Variants in ST3GAL3 observed in about 807,000 individuals in gnomAD.
ST3GAL3 encodes the protein ST3 beta-galactoside alpha-2,3-sialyltransferase 3.
In ST3GAL3, 21 loss-of-function variants were observed where a neutral mutation model predicts 50.1. The observed-to-expected ratio is 0.42, with a 90% CI of 0.30 to 0.60. The LOEUF (loss-of-function observed/expected upper bound fraction) is 0.60, where lower values mean the gene tolerates loss of function less well. Among genes scored for constraint, ST3GAL3 ranks in the 20% least tolerant of loss-of-function variants. The probability of loss-of-function intolerance (pLI) is 0.19; values close to 1 mark genes in which losing one functional copy is unlikely to be tolerated. For missense variants in ST3GAL3, 353 were observed against 489.4 expected (o/e 0.72, Z 2.63); for synonymous variants, 183 against 190.0 (o/e 0.96, Z 0.30).
rs746574834 is a variant in ST3GAL3 at position 43,792,159 on chromosome 1, C to T, written c.166+10C>T. On this transcript the variant is annotated intron_variant, in intron 3 of 11. Transcript: ENST00000347631. Reference sequence around the variant, plus strand: ...CAAACACTAGGCTCAGGTACCAACTCTTCCCCCTCTATCATCTTTTTGGCC... The same window carrying T: ...CAAACACTAGGCTCAGGTACCAACTTTTCCCCCTCTATCATCTTTTTGGCC... The T allele has an allele frequency of 1.9e-6, 3 of 1,614,108 alleles. No homozygotes were observed. Among genetic ancestry groups the T allele is most frequent in the Admixed American group, 3.3e-5 (2 of 60,006 alleles).
intron 1 of ST3GAL3, among the ~76,000 whole-genome samples, chr1:43,715,500 T>A (rs1171799081): frequency 6.6e-6 from 1 of 150,918 alleles, no homozygotes; most frequent in Admixed American, 6.6e-5. Flanking sequence ...TGCCTGAGCC[T>A]GGGAGGCAGA....
intron 9 of ST3GAL3, among the ~76,000 whole-genome samples, chr1:43,901,866 C>T (rs917134037): frequency 6.6e-6 from 1 of 152,214 alleles, no homozygotes; most frequent in Admixed American, 6.5e-5. Context: ...TGTGGGCCTT[C>T]CTTGGCTCCA....
At chr1:43,761,950 C>CAAAA (rs67747915) in intron 2 of ST3GAL3, among the ~76,000 whole-genome samples, 4 of 68,852 alleles carry the variant, frequency 5.8e-5, no homozygotes, top group African/African-American at 1.9e-4. Flanking sequence ...CACTCTGTCT[C>CAAAA]AAAAAAAAAA....
Position 43,789,100 on chromosome 1 carries a change from A to G in ST3GAL3, c.119-3002A>G, listed in dbSNP as rs532396304. Among the ~76,000 whole-genome samples, 3 of 152,330 alleles carry G rather than the reference A, an allele frequency of 2.0e-5. No individual in the cohort carries two copies. In the South Asian group the frequency reaches 6.2e-4, roughly 32 times the overall value. On this transcript the variant is annotated intron_variant, in intron 2 of 11. Transcript: ENST00000347631. ...TAAAGACATTGAATGTCAGAGCTTG[A>G]ACTTTATCTTACAGGCCACAGGAAG...
At chr1:43,727,094 T>G (rs769732307) in intron 1 of ST3GAL3, 2 of 152,220 alleles carry the variant, frequency 1.3e-5, no homozygotes, top group Non-Finnish European at 2.9e-5. Context: ...AATCTGTTAT[T>G]ATCAGTCTTT....
At chr1:43,874,156 T>C (rs1320349793) in intron 5 of ST3GAL3, among the ~76,000 whole-genome samples, 1 of 152,208 alleles carries the variant, frequency 6.6e-6, no homozygotes, top group African/African-American at 2.4e-5. Context: ...AGGGCACTTT[T>C]GAGAGTGAAA....
At chr1:43,813,903 GCACACACACACACA>G (rs57672840) in intron 3 of ST3GAL3, among the ~76,000 whole-genome samples, 4 of 125,884 alleles carry the variant, frequency 3.2e-5, no homozygotes, top group East Asian at 3.0e-4. Flanking sequence ...ACGCACACAC[GCACACACACACACA>G]CACACACACA....
chr1:43,872,821 A>T (rs947831465), intron 5 of ST3GAL3, among the ~76,000 whole-genome samples: 1 of 152,112 alleles, frequency 6.6e-6, no homozygotes, highest in African/African-American at 2.4e-5. Flanking sequence ...GAAGTTAGAG[A>T]GGGGCTGCCA....
intron 5 of ST3GAL3, among the ~76,000 whole-genome samples, chr1:43,890,251 T>A (rs1196772314): frequency 6.6e-6 from 1 of 152,238 alleles, no homozygotes; most frequent in Non-Finnish European, 1.5e-5. Context: ...TGGCATAATT[T>A]CCGGGAATTT....
chr1:43,728,841 A>T (rs11210908), intron 1 of ST3GAL3, among the ~76,000 whole-genome samples: 47,670 of 152,094 alleles, frequency 0.31, 9,115 homozygotes, highest in East Asian at 0.49. Context: ...ATATATACAC[A>T]TATGTATACA....
At chr1:43,925,781 G>GA (rs2083814598) in intron 11 of ST3GAL3, among the ~76,000 whole-genome samples, 1 of 152,214 alleles carries the variant, frequency 6.6e-6, no homozygotes, top group Non-Finnish European at 1.5e-5. Context: ...GGAGACAGAG[G>GA]AATCAGGAAG....
At chr1:43,829,174 AT>A (rs1159257069) in intron 4 of ST3GAL3, among the ~76,000 whole-genome samples, 1 of 151,726 alleles carries the variant, frequency 6.6e-6, no homozygotes, top group African/African-American at 2.4e-5. Context: ...CACAACCAAT[AT>A]CCAAGGGCTT....
intron 3 of ST3GAL3, among the ~76,000 whole-genome samples, chr1:43,812,681 T>C (rs1360231700): frequency 6.6e-6 from 1 of 152,200 alleles, no homozygotes; most frequent in Admixed American, 6.5e-5. Flanking sequence ...CCGAGGCTTA[T>C]CTCAAACTCC....
chr1:43,802,187 C>T (rs777828988), intron 3 of ST3GAL3, among the ~76,000 whole-genome samples: 3 of 152,176 alleles, frequency 2.0e-5, no homozygotes, highest in Admixed American at 2.0e-4. Context: ...GAAGGCTTCA[C>T]ATAACTCCTG....
At chr1:43,907,511 G>C (rs2080007541) in intron 9 of ST3GAL3, among the ~76,000 whole-genome samples, 1 of 152,084 alleles carries the variant, frequency 6.6e-6, no homozygotes, top group Non-Finnish European at 1.5e-5. Context: ...CAATTCCACT[G>C]TACCTCCATC....
intron 9 of ST3GAL3, chr1:43,919,065 G>GTTTGTT (rs1427373785): frequency 2.0e-5 from 1 of 48,988 alleles, no homozygotes; most frequent in Non-Finnish European, 4.8e-5. Context: ...TCCTTTCTTT[G>GTTTGTT]TTTCTTTTTT....
chr1:43,902,743 G>A (rs1007965062), intron 9 of ST3GAL3, among the ~76,000 whole-genome samples: 1 of 152,214 alleles, frequency 6.6e-6, no homozygotes, highest in Non-Finnish European at 1.5e-5. Flanking sequence ...GGACATGGGG[G>A]TGCAGCCTCC....
chr1:43,847,279 C>T (rs769779109), intron 5 of ST3GAL3, among the ~76,000 whole-genome samples: 1 of 152,148 alleles, frequency 6.6e-6, no homozygotes, highest in Non-Finnish European at 1.5e-5. Context: ...CCGTATGATC[C>T]AGCAATTCCA....
intron 5 of ST3GAL3, among the ~76,000 whole-genome samples, chr1:43,863,465 GAC>G (rs2070511829): frequency 6.6e-6 from 1 of 152,206 alleles, no homozygotes; most frequent in Non-Finnish European, 1.5e-5. Context: ...CATCTGAAAA[GAC>G]TCTTCTGAGC....
Sources: gnomAD v4.1 joint callset for allele counts (sites outside exome capture counted in the v4.1 genomes callset) on GRCh38, gnomAD v4.1.1 for gene constraint, MANE v1.5 for transcripts, NCBI Gene and HGNC (gene_info 2026-07-23, HGNC 2026-07-21) for gene names.